LINGO2: variants seen among roughly 807,000 people sequenced by gnomAD.
The protein encoded by LINGO2 is leucine rich repeat and Ig domain containing 2.
A neutral mutation model predicts 30.6 loss-of-function variants in LINGO2; 14 were observed. The ratio of observed to expected loss-of-function variants is 0.46; its 90% confidence interval spans 0.30 to 0.72. LINGO2 has a LOEUF of 0.72. Ranked by LOEUF, LINGO2 falls within the 30% of genes least tolerant of loss-of-function variation. The pLI is 0.07. For missense variants in LINGO2, 729 were observed against 751.7 expected, an observed-to-expected ratio of 0.97 and a Z score of 0.35; for synonymous variants, 317 against 288.5, an observed-to-expected ratio of 1.10 and a Z score of -1.00.
chr9:28,775,186 A>T, the LINGO2 span, among the ~76,000 whole-genome samples: 1,323 of 152,196 alleles, frequency 8.7e-3, 13 homozygotes, highest in African/African-American at 0.03. Flanking sequence ...CGAACTCTGG[A>T]TTCTCTGTTT....
At chr9:28,444,574 T>G (rs1824341378) in intron 2 of LINGO2, among the ~76,000 whole-genome samples, 1 of 152,224 alleles carries the variant, frequency 6.6e-6, no homozygotes, top group Non-Finnish European at 1.5e-5. Context: ...AAGCCAGGGC[T>G]GTGACAGGCT....
chr9:28,575,763 T>G (rs1823945066), intron 1 of LINGO2, among the ~76,000 whole-genome samples: 1 of 152,164 alleles, frequency 6.6e-6, no homozygotes, highest in African/African-American at 2.4e-5. Flanking sequence ...ATAGATAAGA[T>G]AGGAAACTAC....
intron 2 of LINGO2, among the ~76,000 whole-genome samples, chr9:28,411,641 G>A (rs1049237722): frequency 2.6e-5 from 4 of 152,008 alleles, no homozygotes; most frequent in Non-Finnish European, 5.9e-5. Context: ...ATATGTAGAT[G>A]CCACATTTTG....
intron 1 of LINGO2, among the ~76,000 whole-genome samples, chr9:28,479,593 T>G (rs1825858009): frequency 6.6e-6 from 1 of 151,848 alleles, no homozygotes; most frequent in Non-Finnish European, 1.5e-5. Context: ...AAGTAGATGT[T>G]TAATAATGGC....
At chr9:28,724,920 A>C in the LINGO2 span, among the ~76,000 whole-genome samples, 15 of 152,304 alleles carry the variant, frequency 9.8e-5, no homozygotes, top group South Asian at 3.1e-3. Flanking sequence ...GTAGATAAAT[A>C]GAAATGGGTT....
chr9:28,226,567 G>A (rs943323263), intron 4 of LINGO2, among the ~76,000 whole-genome samples: 15 of 148,852 alleles, frequency 1.0e-4, no homozygotes, highest in Middle Eastern at 3.5e-3. Flanking sequence ...AGGAAGGGTC[G>A]GAAGAAAAAG....
chr9:28,923,893 G>A, the LINGO2 span, among the ~76,000 whole-genome samples: 481 of 152,272 alleles, frequency 3.2e-3, 2 homozygotes, highest in African/African-American at 0.011. Flanking sequence ...AATATCCAAC[G>A]AGCCAGCTCT....
intron 4 of LINGO2, among the ~76,000 whole-genome samples, chr9:28,029,752 G>T (rs1823573390): frequency 6.6e-6 from 1 of 152,180 alleles, no homozygotes; most frequent in African/African-American, 2.4e-5. Context: ...ATAGGGTGCT[G>T]ATATTATATA....
intron 4 of LINGO2, among the ~76,000 whole-genome samples, chr9:28,047,035 T>A (rs1254369441): frequency 6.6e-6 from 1 of 152,054 alleles, no homozygotes; most frequent in African/African-American, 2.4e-5. Flanking sequence ...AGCCCCTAAG[T>A]AATGCTTAGC....
chr9:28,126,650 A>G (rs1827243948), intron 4 of LINGO2, among the ~76,000 whole-genome samples: 1 of 152,246 alleles, frequency 6.6e-6, no homozygotes, highest in Non-Finnish European at 1.5e-5. Context: ...TCATACAATT[A>G]GAGGCTTATG....
chr9:28,503,532 A>G (rs1490968895), intron 1 of LINGO2, among the ~76,000 whole-genome samples: 1 of 152,030 alleles, frequency 6.6e-6, no homozygotes, highest in East Asian at 1.9e-4. Context: ...TTGCTGTCAT[A>G]TTTATGGGAA....
chr9:27,999,305 C>T (rs1821824085), intron 5 of LINGO2, among the ~76,000 whole-genome samples: 1 of 151,966 alleles, frequency 6.6e-6, no homozygotes, highest in African/African-American at 2.4e-5. Flanking sequence ...TGGAGGAATG[C>T]CTGGGTAAGA....
the LINGO2 span, among the ~76,000 whole-genome samples, chr9:29,150,193 C>A: frequency 6.6e-6 from 1 of 152,174 alleles, no homozygotes; most frequent in African/African-American, 2.4e-5. Context: ...TCTGTGAATA[C>A]TAGGGCAAAA....
At chr9:28,273,248 T>C (rs1286643434) in intron 4 of LINGO2, among the ~76,000 whole-genome samples, 2 of 152,198 alleles carry the variant, frequency 1.3e-5, no homozygotes, top group African/African-American at 2.4e-5. Context: ...AGTTATCTTG[T>C]TATTGAATGC....
intron 5 of LINGO2, among the ~76,000 whole-genome samples, chr9:27,997,910 C>G (rs1407315540): frequency 5.2e-5 from 4 of 77,412 alleles, no homozygotes; most frequent in Non-Finnish European, 9.2e-5. Context: ...ACTGGTGCAT[C>G]TTTTAAATGG....
At chr9:28,508,316 A>G (rs1820233696) in intron 1 of LINGO2, among the ~76,000 whole-genome samples, 1 of 152,078 alleles carries the variant, frequency 6.6e-6, no homozygotes, top group African/African-American at 2.4e-5. Context: ...GCTCATTTGG[A>G]TGTGCTATTC....
At chr9:28,265,464 T>C (rs1822715813) in intron 4 of LINGO2, among the ~76,000 whole-genome samples, 1 of 151,982 alleles carries the variant, frequency 6.6e-6, no homozygotes, top group Non-Finnish European at 1.5e-5. Context: ...ATAGGGACAG[T>C]GGACAAATTT....
intron 1 of LINGO2, among the ~76,000 whole-genome samples, chr9:28,638,303 C>T (rs114802016): frequency 0.014 from 2,153 of 152,050 alleles, 53 homozygotes; most frequent in African/African-American, 0.049. Flanking sequence ...GTCCCTGTCA[C>T]GCTTTGTTAT....
chr9:28,649,196 A>G (rs972041730), intron 1 of LINGO2, among the ~76,000 whole-genome samples: 1 of 152,188 alleles, frequency 6.6e-6, no homozygotes, highest in African/African-American at 2.4e-5. Flanking sequence ...TGGAATTGTT[A>G]TAGTAAAAAG....
Sources: gnomAD v4.1 joint callset for allele counts (sites outside exome capture counted in the v4.1 genomes callset) on GRCh38, gnomAD v4.1.1 for gene constraint, MANE v1.5 for transcripts, NCBI Gene and HGNC (gene_info 2026-07-23, HGNC 2026-07-21) for gene names.